HECW1: variants seen among roughly 807,000 people sequenced by gnomAD.
HECW1 encodes E3 ubiquitin-protein ligase HECW1.
HECW1 carries 61 observed loss-of-function variants against 182.3 expected under a neutral mutation model. That is an observed-to-expected ratio of 0.33 (90% CI 0.27 to 0.41). The LOEUF (loss-of-function observed/expected upper bound fraction) is 0.41, where lower values mean the gene tolerates loss of function less well. Among genes scored for constraint, HECW1 ranks in the 10% least tolerant of loss-of-function variants. The pLI is 1.00. For missense variants in HECW1, 1,739 were observed against 2,108.9 expected (o/e 0.82, Z 3.44); for synonymous variants, 859 against 832.6 (o/e 1.03, Z -0.55).
chr7:43,401,542 AC>A (rs1158826158), intron 7 of HECW1, among the ~76,000 whole-genome samples: 1 of 147,654 alleles, frequency 6.8e-6, no homozygotes, highest in Non-Finnish European at 1.5e-5. Context: ...AGAGACCAAC[AC>A]CTAGACAAAT....
intron 24 of HECW1, among the ~76,000 whole-genome samples, chr7:43,537,134 T>A (rs751425345): frequency 6.6e-6 from 1 of 152,144 alleles, no homozygotes; most frequent in Non-Finnish European, 1.5e-5. Flanking sequence ...CTGAGATCCA[T>A]GGAGAGAAAG....
At chr7:43,239,461 GCGCACA>G (rs1022223374) in intron 2 of HECW1, among the ~76,000 whole-genome samples, 3 of 152,146 alleles carry the variant, frequency 2.0e-5, no homozygotes, top group Non-Finnish European at 4.4e-5. Flanking sequence ...TTATTAGATG[GCGCACA>G]CTGTGCTAGG....
chr7:43,468,186 C>T (rs1382512339), intron 15 of HECW1, among the ~76,000 whole-genome samples: 4 of 152,144 alleles, frequency 2.6e-5, no homozygotes, highest in African/African-American at 7.2e-5. Context: ...TACACATACA[C>T]ACACACAAGT....
At chr7:43,224,183 T>C (rs1334811067) in intron 2 of HECW1, among the ~76,000 whole-genome samples, 1 of 152,254 alleles carries the variant, frequency 6.6e-6, no homozygotes, top group African/African-American at 2.4e-5. Flanking sequence ...AATGAATGAA[T>C]AGATGTATTT....
At chr7:43,278,018 T>C (rs1405894348) in intron 3 of HECW1, among the ~76,000 whole-genome samples, 1 of 152,134 alleles carries the variant, frequency 6.6e-6, no homozygotes, top group Non-Finnish European at 1.5e-5. Context: ...CCTCTCCTGC[T>C]ATCCATACCC....
chr7:43,255,575 T>A (rs1800473466), intron 3 of HECW1, among the ~76,000 whole-genome samples: 1 of 147,570 alleles, frequency 6.8e-6, no homozygotes, highest in African/African-American at 2.6e-5. Flanking sequence ...CCAGCCTGGG[T>A]GACAAGAGTG....
At chr7:43,163,086 A>G (rs1356634011) in intron 2 of HECW1, 1 of 152,268 alleles carries the variant, frequency 6.6e-6, no homozygotes, top group Non-Finnish European at 1.5e-5. Context: ...AGGCAAAGGC[A>G]AGGGAGTTGA....
intron 3 of HECW1, among the ~76,000 whole-genome samples, chr7:43,304,794 T>G (rs1807338397): frequency 6.6e-6 from 1 of 152,222 alleles, no homozygotes; most frequent in South Asian, 2.1e-4. Flanking sequence ...GCACCCAGCC[T>G]CAACAAAGTA....
intron 17 of HECW1, among the ~76,000 whole-genome samples, chr7:43,489,819 G>A (rs1472684890): frequency 3.9e-5 from 6 of 152,190 alleles, no homozygotes; most frequent in Admixed American, 6.5e-5. Flanking sequence ...ATTAGGGATC[G>A]TTAAGTAATT....
chr7:43,311,990 C>A lies in HECW1; in HGVS notation c.255C>A (p.Ser85Arg). ...GCCGCTCCACGCTCATGGTCAGCAGCTCCTACTATTCCATCGGGCACTCTC... is the reference window on the plus strand; with the variant it reads ...GCCGCTCCACGCTCATGGTCAGCAGATCCTACTATTCCATCGGGCACTCTC... ...SDSRSTLMVS[S>R]SYYSIGHSQD... The change falls in exon 4 of 30, where the codon AGC becomes AGA. Residue 85 changes from serine to arginine, a missense_variant. Around this residue, in one of 5 missense-constraint regions of HECW1, gnomAD observed 279 missense variants for 353.1 expected, o/e 0.79. Coordinates refer to ENST00000395891, the MANE Select transcript of HECW1 (RefSeq NM_015052.5). 6.2e-7 allele frequency: 1 copy of A among 1,614,264 alleles called. No homozygotes were observed. The highest frequency in any genetic ancestry group is 1.1e-5 in the South Asian group (1 of 91,086).
intron 2 of HECW1, among the ~76,000 whole-genome samples, chr7:43,225,136 G>A (rs1797310382): frequency 6.6e-6 from 1 of 152,234 alleles, no homozygotes; most frequent in South Asian, 2.1e-4. Flanking sequence ...GAGATGGACT[G>A]AGCCAGATCG....
intron 2 of HECW1, among the ~76,000 whole-genome samples, chr7:43,198,671 T>TCA (rs906017396): frequency 3.0e-5 from 4 of 133,344 alleles, no homozygotes; most frequent in Admixed American, 2.2e-4. Flanking sequence ...ACCCCCACAC[T>TCA]CACACACACA....
Position 43,320,674 on chromosome 7 carries a change from G to A in HECW1, c.392G>A (p.Arg131His), listed in dbSNP as rs754383335. Residue 131 changes from arginine (R) to histidine (H), a missense_variant, in exon 5 of 30, where the codon CGT (arginine) becomes CAT (histidine). Around this residue, in one of 5 missense-constraint regions of HECW1, gnomAD observed 279 missense variants for 353.1 expected, o/e 0.79. Coordinates refer to ENST00000395891, the MANE Select transcript of HECW1 (RefSeq NM_015052.5). Reference protein sequence around the residue: ...LSENFLDYKNRGVNGSHRGQI... With the variant: ...LSENFLDYKNHGVNGSHRGQI... ...GAAAACTTTCTGGACTATAAAAACC[G>A]TGGAGTCAATGGTTCTCATCGGGGC... is the stretch of plus-strand genomic sequence containing the variant. The A allele has an allele frequency of 4.3e-6, 7 of 1,614,040 alleles. No homozygotes were observed. Among genetic ancestry groups the A allele is most frequent in the African/African-American group, 1.3e-5 (1 of 74,932 alleles).
chr7:43,250,118 A>AAC (rs10648012), intron 3 of HECW1, among the ~76,000 whole-genome samples: 14,172 of 151,088 alleles, frequency 0.094, 1,320 homozygotes, highest in African/African-American at 0.24. Context: ...TTTTAACCAA[A>AAC]ACACACACAC....
intron 26 of HECW1, 110 bp from the exon 27 acceptor site, chr7:43,550,335 A>G: frequency 8.7e-7 from 1 of 1,153,158 alleles, no homozygotes; most frequent in Non-Finnish European, 1.3e-6. Flanking sequence ...AATGCTGAAT[A>G]ATGCCCTGTA....
intron 11 of HECW1, among the ~76,000 whole-genome samples, chr7:43,447,213 C>G (rs12536033): frequency 0.17 from 26,232 of 151,754 alleles, 2,572 homozygotes; most frequent in Middle Eastern, 0.29. Flanking sequence ...TTTCTTAGCT[C>G]AGAGCCATAC....
rs1008621430 is a variant in HECW1 at position 43,489,867 on chromosome 7, A to G, written c.3235-2208A>G. Reference sequence around the variant, plus strand: ...CGATCTGCAATATCACACATGGCCTATTCTTAAGTGGCCGTTTGGAACTGA... The same window carrying G: ...CGATCTGCAATATCACACATGGCCTGTTCTTAAGTGGCCGTTTGGAACTGA... On this transcript the variant is annotated intron_variant, in intron 17 of 29. Coordinates refer to ENST00000395891, the MANE Select transcript of HECW1 (RefSeq NM_015052.5). Among the ~76,000 whole-genome samples the G allele has an allele frequency of 5.9e-5, 9 of 152,326 alleles. No individual in the cohort carries two copies. In the East Asian group the frequency reaches 1.2e-3, roughly 20 times the overall value.
chr7:43,255,183 C>G (rs1800425990), intron 3 of HECW1, among the ~76,000 whole-genome samples: 1 of 152,148 alleles, frequency 6.6e-6, no homozygotes, highest in South Asian at 2.1e-4. Context: ...ATGCTAATAC[C>G]TCATCTGGAA....
chr7:43,517,312 C>G (rs1264923613), intron 24 of HECW1, among the ~76,000 whole-genome samples: 1 of 152,136 alleles, frequency 6.6e-6, no homozygotes, highest in Non-Finnish European at 1.5e-5. Context: ...AGGCCCTTTG[C>G]TAACTGCAAA....
Sources: allele counts gnomAD v4.1 joint callset (sites outside exome capture counted in the v4.1 genomes callset), GRCh38; gene constraint gnomAD v4.1.1; regional missense constraint gnomAD v4.1.1; transcripts MANE v1.5; gene names NCBI Gene and HGNC (gene_info 2026-07-23, HGNC 2026-07-21).